Variants in SGCD observed in about 807,000 individuals in gnomAD.
SGCD encodes sarcoglycan delta, also known as delta-sarcoglycan.
In SGCD, 18 loss-of-function variants were observed where a neutral mutation model predicts 36.6. The observed-to-expected ratio is 0.49, with a 90% CI of 0.34 to 0.73. The LOEUF (loss-of-function observed/expected upper bound fraction) is 0.73. SGCD is among the 30% of genes least tolerant of loss of function. The probability of loss-of-function intolerance (pLI) is 0.01; values close to 1 mark genes in which losing one functional copy is unlikely to be tolerated. For synonymous variants in SGCD, 133 were observed against 130.6 expected, an observed-to-expected ratio of 1.02 and a Z score of -0.12; for missense variants, 387 against 346.7, an observed-to-expected ratio of 1.12 and a Z score of -0.92.
chr5:155,748,441 A>C, the SGCD span, among the ~76,000 whole-genome samples: 1 of 152,100 alleles, frequency 6.6e-6, no homozygotes, highest in East Asian at 1.9e-4. Context: ...TACCACAGAC[A>C]TACCTGAGGC....
the SGCD span, among the ~76,000 whole-genome samples, chr5:155,820,597 T>C: frequency 2.0e-5 from 3 of 152,096 alleles, no homozygotes; most frequent in Non-Finnish European, 4.4e-5. Flanking sequence ...CTTGTGAGGC[T>C]GAGGTGGGAG....
chr5:156,717,194 A>G (rs78590044), intron 7 of SGCD, among the ~76,000 whole-genome samples: 4,225 of 152,316 alleles, frequency 0.028, 70 homozygotes, highest in East Asian at 0.046. Context: ...GTCACTTTAC[A>G]TAGGATGCCT....
the SGCD span, among the ~76,000 whole-genome samples, chr5:155,731,562 G>A: frequency 6.6e-6 from 1 of 152,184 alleles, no homozygotes; most frequent in East Asian, 1.9e-4. Flanking sequence ...CATTGGAGAT[G>A]ACACAAGTGT....
intron 1 of SGCD, among the ~76,000 whole-genome samples, chr5:155,873,803 G>T (rs78541968): frequency 1.3e-5 from 2 of 152,110 alleles, no homozygotes; most frequent in South Asian, 4.2e-4. Flanking sequence ...GACTCACCAG[G>T]GGGAAAAGTA....
At chr5:156,208,483 T>C (rs1764349180) in intron 3 of SGCD, among the ~76,000 whole-genome samples, 1 of 152,172 alleles carries the variant, frequency 6.6e-6, no homozygotes, top group Non-Finnish European at 1.5e-5. Flanking sequence ...ATTCAGCACC[T>C]TGGAGAGCTA....
intron 3 of SGCD, among the ~76,000 whole-genome samples, chr5:156,356,361 G>A (rs902247965): frequency 6.6e-6 from 1 of 152,182 alleles, no homozygotes; most frequent in African/African-American, 2.4e-5. Context: ...GATGCTAGCT[G>A]TCAGCTGGAA....
intron 1 of SGCD, among the ~76,000 whole-genome samples, chr5:155,904,119 A>G (rs1756450867): frequency 6.6e-6 from 1 of 152,184 alleles, no homozygotes; most frequent in Non-Finnish European, 1.5e-5. Flanking sequence ...CTTTGGGAAG[A>G]GTGAATTTTG....
intron 1 of SGCD, among the ~76,000 whole-genome samples, chr5:156,092,583 G>A (rs79047292): frequency 2.0e-5 from 3 of 152,214 alleles, no homozygotes; most frequent in East Asian, 1.9e-4. Context: ...TGGTCTCTAA[G>A]GTTCTGTCTA....
intron 7 of SGCD, among the ~76,000 whole-genome samples, chr5:156,647,854 C>T (rs1432130986): frequency 1.3e-5 from 2 of 152,094 alleles, no homozygotes; most frequent in African/African-American, 2.4e-5. Flanking sequence ...TGGTGCTGAT[C>T]AGCCCAAAGA....
At chr5:156,109,273 A>G (rs979227893) in intron 1 of SGCD, among the ~76,000 whole-genome samples, 2 of 151,962 alleles carry the variant, frequency 1.3e-5, no homozygotes, top group Admixed American at 6.6e-5. Context: ...TTCACTTCTC[A>G]TCTTGTTGAC....
At chr5:156,667,110 G>A (rs958553588) in intron 7 of SGCD, among the ~76,000 whole-genome samples, 1 of 152,192 alleles carries the variant, frequency 6.6e-6, no homozygotes, top group Non-Finnish European at 1.5e-5. Context: ...CAGATTTTCA[G>A]ATTTGGGGTG....
chr5:155,779,613 A>G, the SGCD span, among the ~76,000 whole-genome samples: 1 of 152,136 alleles, frequency 6.6e-6, no homozygotes, highest in African/African-American at 2.4e-5. Flanking sequence ...ACCATCCTGC[A>G]CATGTTCCCT....
At chr5:155,747,880 AG>A in the SGCD span, among the ~76,000 whole-genome samples, 1 of 152,192 alleles carries the variant, frequency 6.6e-6, no homozygotes, top group Non-Finnish European at 1.5e-5. Context: ...CTAATCAACC[AG>A]GGTCCTAAAA....
chr5:155,876,799 G>A (rs1755777489), intron 1 of SGCD, among the ~76,000 whole-genome samples: 1 of 152,018 alleles, frequency 6.6e-6, no homozygotes, highest in Non-Finnish European at 1.5e-5. Flanking sequence ...AGCATTCTAG[G>A]TACAAGGATA....
intron 1 of SGCD, among the ~76,000 whole-genome samples, chr5:156,027,785 T>C (rs2127574847): frequency 6.6e-6 from 1 of 152,316 alleles, no homozygotes; most frequent in African/African-American, 2.4e-5. Context: ...AAAATATTTA[T>C]TTGATAATAA....
intron 3 of SGCD, among the ~76,000 whole-genome samples, chr5:156,303,203 C>T (rs1343322033): frequency 1.3e-5 from 2 of 152,128 alleles, no homozygotes; most frequent in Non-Finnish European, 2.9e-5. Context: ...CAAAGTCCTT[C>T]CCACTCTTCC....
rs146339149 is a variant in SGCD, at chr5:155,932,260, A to G, written c.-282+61836A>G. ...AGCACTTTGTACACTTTTCATTTAT[A>G]TATTTAATTGAGTAATTATTTCCCA... On this transcript the variant is annotated intron_variant, in intron 1 of 9. Coordinates refer to the SGCD transcript ENST00000517913. 3.6e-3 allele frequency among the ~76,000 whole-genome samples: 555 copies of G among 152,258 alleles called. 3 individuals carry two copies. The highest frequency in any genetic ancestry group is 0.013 in the African/African-American group (536 of 41,562).
At chr5:156,067,830 G>A (rs1269989068) in intron 1 of SGCD, among the ~76,000 whole-genome samples, 4 of 139,858 alleles carry the variant, frequency 2.9e-5, no homozygotes, top group Non-Finnish European at 4.5e-5. Context: ...ACTGGCCTGC[G>A]CCCACTGTCT....
chr5:156,057,624 A>G (rs1165295631), intron 1 of SGCD, among the ~76,000 whole-genome samples: 1 of 146,302 alleles, frequency 6.8e-6, no homozygotes, highest in African/African-American at 2.5e-5. Flanking sequence ...TGAGGTAGAA[A>G]ATGCATGAAC....
Sources: gnomAD v4.1 joint callset for allele counts (sites outside exome capture counted in the v4.1 genomes callset) on GRCh38, gnomAD v4.1.1 for gene constraint, MANE v1.5 for transcripts, NCBI Gene and HGNC (gene_info 2026-07-23, HGNC 2026-07-21) for gene names.